TTC39B: variants seen among roughly 807,000 people sequenced by gnomAD.
TTC39B encodes tetratricopeptide repeat protein 39B.
A neutral mutation model predicts 96.6 loss-of-function variants in TTC39B; 92 were observed. The observed-to-expected ratio is 0.95, with a 90% CI of 0.80 to 1.13. TTC39B has a LOEUF of 1.13. TTC39B is among the 50% of genes most tolerant of loss of function. The pLI, the probability that TTC39B is intolerant of heterozygous loss-of-function variation, is 0.00. For synonymous variants in TTC39B, 367 were observed against 299.4 expected (o/e 1.23, Z -2.33); for missense variants, 955 against 809.3 (o/e 1.18, Z -2.18).
chr9:15,276,292 T>G (rs1823540347), intron 1 of TTC39B, among the ~76,000 whole-genome samples: 1 of 152,238 alleles, frequency 6.6e-6, no homozygotes, highest in South Asian at 2.1e-4. Flanking sequence ...TCAGGCCTGC[T>G]GTTCACCCAT....
intron 1 of TTC39B, among the ~76,000 whole-genome samples, chr9:15,303,516 C>T (rs866265885): frequency 1.3e-5 from 2 of 151,742 alleles, no homozygotes; most frequent in Admixed American, 6.6e-5. Context: ...GGACTACAGG[C>T]GGGCACCACC....
At chr9:15,251,110 C>T (rs941629463) in intron 2 of TTC39B, among the ~76,000 whole-genome samples, 18 of 152,090 alleles carry the variant, frequency 1.2e-4, no homozygotes, top group Non-Finnish European at 4.4e-5. Context: ...GCAGAAGAAT[C>T]GCTTGAACCC....
At chr9:15,167,005 TATATATATATATATATA>T (rs1180083411) in exon 20 of TTC39B, 154 of 7,682 alleles carry the variant, frequency 0.02, 24 homozygotes, top group African/African-American at 0.05. Context: ...TATATATATA[TATATATATATATATATA>T]TATATATTTT....
Position 15,242,664 on chromosome 9 carries a change from T to A in TTC39B, c.276-16652A>T, listed in dbSNP as rs113042415. On this transcript the variant is annotated intron_variant, in intron 2 of 19. Coordinates refer to ENST00000512701, the Ensembl canonical transcript of TTC39B. ...ATGAAAGCTCCATTCACTAGAAAGA[T>A]TTTGGTTCATCCTTCTAGACCACCT... Among the ~76,000 whole-genome samples, 762 of 152,218 alleles carry A rather than the reference T, an allele frequency of 5.0e-3. 6 individuals are homozygous for A. Among genetic ancestry groups the A allele is most frequent in the African/African-American group, 0.016 (685 of 41,538 alleles).
At chr9:15,233,315 G>A (rs1034804113) in intron 2 of TTC39B, among the ~76,000 whole-genome samples, 1 of 151,872 alleles carries the variant, frequency 6.6e-6, no homozygotes, top group Non-Finnish European at 1.5e-5. Context: ...GGAGAAGGGA[G>A]AAGAAAACCT....
At chr9:15,167,027 TA>T (rs1190283929) in exon 20 of TTC39B, 6 of 14,046 alleles carry the variant, frequency 4.3e-4, no homozygotes, top group Non-Finnish European at 5.1e-4. Context: ...TATATATATA[TA>T]TTTTTTTTTT....
chr9:15,293,853 T>C (rs1824277399), intron 1 of TTC39B, among the ~76,000 whole-genome samples: 1 of 152,194 alleles, frequency 6.6e-6, no homozygotes, highest in African/African-American at 2.4e-5. Flanking sequence ...TAGCCAACGG[T>C]TGGAACCGTG....
At chr9:15,212,803 G>T (rs1289392632) in intron 4 of TTC39B, among the ~76,000 whole-genome samples, 2 of 152,188 alleles carry the variant, frequency 1.3e-5, no homozygotes, top group Non-Finnish European at 2.9e-5. Context: ...GTTATGACCA[G>T]CTGTGTGTCA....
chr9:15,303,134 C>G (rs1824654074), intron 1 of TTC39B, among the ~76,000 whole-genome samples: 1 of 152,078 alleles, frequency 6.6e-6, no homozygotes, highest in Non-Finnish European at 1.5e-5. Flanking sequence ...TGCCACTGCA[C>G]TCCAGCCTGG....
At chr9:15,216,556 A>G (rs1350055106) in intron 3 of TTC39B, among the ~76,000 whole-genome samples, 1 of 152,182 alleles carries the variant, frequency 6.6e-6, no homozygotes, top group Admixed American at 6.5e-5. Flanking sequence ...CACCTCCTAT[A>G]ACAGTCCATC....
In TTC39B at chr9:15,224,152, C is replaced by T. The variant is rs1445859841; in HGVS notation, c.371+1765G>A. On this transcript the variant is annotated intron_variant, in intron 3 of 19. Coordinates refer to ENST00000512701, the Ensembl canonical transcript of TTC39B. ...CTTCAGAAAACAAATGATGCTCACT[C>T]TCCCTACTTCCCCACCTCCCACTGA... Among the ~76,000 whole-genome samples, 4 of 152,210 alleles carry T rather than the reference C, an allele frequency of 2.6e-5. No individual in the cohort carries two copies. The East Asian group carries it at 7.7e-4, about 29-fold the overall frequency.
rs140961610 is a variant in TTC39B at position 15,262,354 on chromosome 9, C to T, written c.275+5560G>A. 6.8e-3 allele frequency among the ~76,000 whole-genome samples: 1,043 copies of T among 152,298 alleles called. 19 individuals carry two copies. The highest frequency in any genetic ancestry group is 0.024 in the African/African-American group (977 of 41,566). The stretch of plus-strand genomic sequence containing the variant: ...CCTCAGGTGATCCACCCACCTCAGC[C>T]TCCCAAAGTGCTGGGATTACAGGCG... On this transcript the variant is annotated intron_variant, in intron 2 of 19. Coordinates refer to ENST00000512701, the Ensembl canonical transcript of TTC39B.
exon 3 of TTC39B, chr9:15,225,998 T>C: frequency 6.2e-7 from 1 of 1,613,756 alleles, no homozygotes; most frequent in Non-Finnish European, 8.5e-7. Flanking sequence ...TGTTGCCATA[T>C]CTGAGTGAGA....
At chr9:15,275,953 G>C (rs1247057824) in intron 1 of TTC39B, among the ~76,000 whole-genome samples, 1 of 152,138 alleles carries the variant, frequency 6.6e-6, no homozygotes, top group African/African-American at 2.4e-5. Flanking sequence ...GAATACAGGA[G>C]CATTTTCAAT....
intron 1 of TTC39B, among the ~76,000 whole-genome samples, chr9:15,296,796 C>G (rs1824396956): frequency 1.3e-5 from 2 of 151,924 alleles, no homozygotes; most frequent in South Asian, 4.2e-4. Context: ...TGCGCCTGGC[C>G]AAAAGCAAAT....
chr9:15,179,112 G>C (rs1308976840), intron 17 of TTC39B, among the ~76,000 whole-genome samples: 5 of 152,158 alleles, frequency 3.3e-5, no homozygotes, highest in African/African-American at 1.2e-4. Context: ...AGACAAATGT[G>C]TGTTAAACAG....
chr9:15,236,436 A>C (rs1430364637), intron 2 of TTC39B, among the ~76,000 whole-genome samples: 1 of 152,208 alleles, frequency 6.6e-6, no homozygotes, highest in Non-Finnish European at 1.5e-5. Context: ...ATCAACAAAG[A>C]AACTTGGGAC....
At chr9:15,197,797 C>G (rs986816323) in intron 8 of TTC39B, among the ~76,000 whole-genome samples, 1 of 151,790 alleles carries the variant, frequency 6.6e-6, no homozygotes, top group Non-Finnish European at 1.5e-5. Flanking sequence ...AAATGAAAAA[C>G]TGAACAACAC....
chr9:15,200,828 G>A (rs554695337), intron 7 of TTC39B, among the ~76,000 whole-genome samples: 7 of 152,270 alleles, frequency 4.6e-5, no homozygotes, highest in Middle Eastern at 3.4e-3. Context: ...GTGAAACCCC[G>A]TCTCTACTAA....
Sources: gnomAD v4.1 joint callset for allele counts (sites outside exome capture counted in the v4.1 genomes callset) on GRCh38, gnomAD v4.1.1 for gene constraint, MANE v1.5 for transcripts, NCBI Gene and HGNC (gene_info 2026-07-23, HGNC 2026-07-21) for gene names.